The following HS2ST1 variants were observed in gnomAD, a reference collection of about 807,000 sequenced individuals.
HS2ST1 encodes the protein heparan sulfate 2-O-sulfotransferase 1.
In HS2ST1, 18 loss-of-function variants were observed where a neutral mutation model predicts 42.9. The observed-to-expected ratio is 0.42, with a 90% CI of 0.29 to 0.62. The LOEUF is 0.62. Ranked by LOEUF, HS2ST1 falls within the 20% of genes least tolerant of loss-of-function variation. HS2ST1 has a pLI of 0.21. For missense variants in HS2ST1, 334 were observed against 433.8 expected, an observed-to-expected ratio of 0.77 and a Z score of 2.04; for synonymous variants, 146 against 152.9, an observed-to-expected ratio of 0.95 and a Z score of 0.33.
chr1:87,057,830 G>A (rs530537040), intron 1 of HS2ST1, among the ~76,000 whole-genome samples: 21 of 151,132 alleles, frequency 1.4e-4, no homozygotes, highest in African/African-American at 5.2e-4. Context: ...CAGCCTGGGC[G>A]ACAGAGCGAG....
Position 86,979,697 on chromosome 1 carries a change from C to T in HS2ST1, c.124+64537C>T, listed in dbSNP as rs369936276. Among the ~76,000 whole-genome samples, 97 of 152,286 alleles carry T rather than the reference C, an allele frequency of 6.4e-4. 1 individual carries two copies. The highest frequency in any genetic ancestry group is 3.3e-3 in the South Asian group (16 of 4,822). On this transcript the variant is annotated intron_variant, in intron 1 of 6. Coordinates refer to ENST00000370550, the MANE Select transcript of HS2ST1 (RefSeq NM_012262.4). ...GTACAAATATCTGTTTGAGTGCCTG[C>T]CTTTACTTCTTTTGACTGTAGACCC...
At chr1:86,919,384 C>T (rs897984432) in intron 1 of HS2ST1, among the ~76,000 whole-genome samples, 1 of 152,128 alleles carries the variant, frequency 6.6e-6, no homozygotes, top group African/African-American at 2.4e-5. Context: ...GGAAGACTTA[C>T]CCAGAGCCAG....
At chr1:86,972,469 A>G (rs1319701624) in intron 1 of HS2ST1, among the ~76,000 whole-genome samples, 1 of 152,194 alleles carries the variant, frequency 6.6e-6, no homozygotes, top group African/African-American at 2.4e-5. Context: ...CTCCTGGCTC[A>G]GCCCCAAGTA....
In HS2ST1 at chr1:86,950,165, C is replaced by G. The variant is rs185866309; in HGVS notation, c.124+35005C>G. Reference sequence around the variant, plus strand: ...AACATTATGGGACAAACTGACGTTACGTATTCCTTGATATGGTGCGCTGAG... The same window carrying G: ...AACATTATGGGACAAACTGACGTTAGGTATTCCTTGATATGGTGCGCTGAG... On this transcript the variant is annotated intron_variant, in intron 1 of 6. Coordinates refer to ENST00000370550, the MANE Select transcript of HS2ST1 (RefSeq NM_012262.4). Among the ~76,000 whole-genome samples, 335 of 152,288 alleles carry G rather than the reference C, an allele frequency of 2.2e-3. 2 individuals are homozygous for G. The highest frequency in any genetic ancestry group is 7.6e-3 in the African/African-American group (314 of 41,558).
In HS2ST1 at chr1:86,985,216, G is replaced by A. The variant is rs1390598050; in HGVS notation, c.124+70056G>A. ...TAAAAATACAAAAAATTAGCTGGGC[G>A]TGGTGGCAGGCGCCTGTAGTCCCAG... On this transcript the variant is annotated intron_variant, in intron 1 of 6. Transcript: ENST00000370550. Among the ~76,000 whole-genome samples, 4 of 149,464 alleles carry A rather than the reference G, an allele frequency of 2.7e-5. No homozygotes were observed. In the South Asian group the frequency reaches 6.4e-4, roughly 24 times the overall value.
intron 1 of HS2ST1, among the ~76,000 whole-genome samples, chr1:86,971,019 T>C (rs184528954): frequency 1.4e-3 from 216 of 152,302 alleles, no homozygotes; most frequent in Admixed American, 2.4e-3. Flanking sequence ...GGGATAGATA[T>C]CTGAAATAAG....
chr1:87,003,656 A>G (rs958805742), intron 1 of HS2ST1, among the ~76,000 whole-genome samples: 4 of 152,212 alleles, frequency 2.6e-5, no homozygotes, highest in Admixed American at 2.6e-4. Context: ...AACTAATCAC[A>G]ATAAAAAATA....
intron 1 of HS2ST1, among the ~76,000 whole-genome samples, chr1:86,977,193 T>G (rs1208921425): frequency 6.6e-6 from 1 of 152,194 alleles, no homozygotes; most frequent in Admixed American, 6.5e-5. Flanking sequence ...GGCTAATAAT[T>G]ACCTACATGA....
At chr1:87,012,015 A>G (rs956196208) in intron 1 of HS2ST1, among the ~76,000 whole-genome samples, 2 of 152,206 alleles carry the variant, frequency 1.3e-5, no homozygotes, top group African/African-American at 4.8e-5. Context: ...TATGCATGCA[A>G]TGCATTGATT....
chr1:87,043,238 A>G (rs1256542488), intron 1 of HS2ST1, among the ~76,000 whole-genome samples: 11 of 152,118 alleles, frequency 7.2e-5, no homozygotes, highest in Non-Finnish European at 1.0e-4. Flanking sequence ...GAGAGGGGAA[A>G]TAATCTAGAT....
chr1:87,104,883 G>T lies in HS2ST1; in HGVS notation c.*187G>T. 1.9e-6 allele frequency: 1 copy of T among 518,586 alleles called. No individual in the cohort carries two copies. The highest frequency in any genetic ancestry group is 3.4e-6 in the Non-Finnish European group (1 of 294,486). The allele number at this position is 518,586 out of a possible 1,614,324, so 32.1% of individuals were successfully genotyped here. ...GGCATTGTCAGTGTTCTAAGTTTCA[G>T]GCATTTTTATTTTTCCTGGCTAAAC... On this transcript the variant is annotated 3_prime_UTR_variant, in exon 7 of 7. Transcript: ENST00000370550.
At chr1:87,026,417 TTAAA>T (rs1235830605) in intron 1 of HS2ST1, among the ~76,000 whole-genome samples, 1 of 152,234 alleles carries the variant, frequency 6.6e-6, no homozygotes, top group Admixed American at 6.5e-5. Flanking sequence ...TTTATAGAAG[TTAAA>T]TAAATGTTCG....
intron 1 of HS2ST1, among the ~76,000 whole-genome samples, chr1:86,938,829 A>G (rs1372921060): frequency 1.3e-5 from 2 of 152,194 alleles, no homozygotes; most frequent in Non-Finnish European, 2.9e-5. Flanking sequence ...TGATTCTTAG[A>G]GAGTCTAGGA....
intron 1 of HS2ST1, among the ~76,000 whole-genome samples, chr1:87,020,904 A>G (rs1432969741): frequency 5.3e-5 from 8 of 152,206 alleles, no homozygotes; most frequent in Non-Finnish European, 1.0e-4. Flanking sequence ...TTTAGCCCTC[A>G]TCTAAATGAA....
At chr1:87,104,189 A>G (rs1045984749) in intron 6 of HS2ST1, among the ~76,000 whole-genome samples, 8 of 152,162 alleles carry the variant, frequency 5.3e-5, no homozygotes, top group Admixed American at 3.3e-4. Flanking sequence ...TTGAGAATAT[A>G]GTGTGTGAGG....
chr1:86,958,730 C>A (rs973509542), intron 1 of HS2ST1, among the ~76,000 whole-genome samples: 4 of 152,188 alleles, frequency 2.6e-5, no homozygotes, highest in African/African-American at 9.7e-5. Flanking sequence ...CTTCTTAACT[C>A]AGCATTACTC....
intron 1 of HS2ST1, among the ~76,000 whole-genome samples, chr1:87,016,958 G>A (rs1161784420): frequency 6.6e-6 from 1 of 151,712 alleles, no homozygotes; most frequent in Non-Finnish European, 1.5e-5. Context: ...GTTATCTTTA[G>A]GGTGCCTTAG....
intron 1 of HS2ST1, among the ~76,000 whole-genome samples, chr1:87,061,573 A>T (rs987434095): frequency 2.0e-5 from 3 of 152,148 alleles, no homozygotes; most frequent in African/African-American, 7.2e-5. Context: ...TGAGTACTTC[A>T]TTCCTTTCTA....
chr1:86,923,228 T>C (rs987007847), intron 1 of HS2ST1, among the ~76,000 whole-genome samples: 7 of 152,174 alleles, frequency 4.6e-5, no homozygotes, highest in African/African-American at 1.7e-4. Flanking sequence ...CATCCTGTAT[T>C]AGCCCGTTTT....
Sources: gnomAD v4.1 joint callset for allele counts (sites outside exome capture counted in the v4.1 genomes callset) on GRCh38, gnomAD v4.1.1 for gene constraint, MANE v1.5 for transcripts, NCBI Gene and HGNC (gene_info 2026-07-23, HGNC 2026-07-21) for gene names.